The following EHMT1 variants were observed in gnomAD, a reference collection of about 807,000 sequenced individuals.
The protein encoded by EHMT1 is euchromatic histone lysine methyltransferase 1.
A neutral mutation model predicts 147.2 loss-of-function variants in EHMT1; 15 were observed. That is an observed-to-expected ratio of 0.10 (90% CI 0.07 to 0.16). The LOEUF is 0.16. Among genes scored for constraint, EHMT1 ranks in the 10% least tolerant of loss-of-function variants. The probability of loss-of-function intolerance (pLI) is 1.00; values close to 1 mark genes in which losing one functional copy is unlikely to be tolerated. For missense variants in EHMT1, 1,587 were observed against 1,772.4 expected (o/e 0.90, Z 1.88); for synonymous variants, 795 against 709.6 (o/e 1.12, Z -1.91).
intron 3 of EHMT1, among the ~76,000 whole-genome samples, chr9:137,719,756 G>A (rs538731211): frequency 6.6e-6 from 1 of 152,314 alleles, no homozygotes; most frequent in African/African-American, 2.4e-5. Flanking sequence ...TGCATCACGT[G>A]CAGGGTGTTC....
At chr9:137,637,307 C>T (rs1844156919) in intron 1 of EHMT1, among the ~76,000 whole-genome samples, 3 of 152,078 alleles carry the variant, frequency 2.0e-5, no homozygotes, top group Admixed American at 2.0e-4. Flanking sequence ...TCCCGAGTAG[C>T]TGGGATTACA....
At chr9:137,761,830 T>C (rs1949847317) in intron 9 of EHMT1, among the ~76,000 whole-genome samples, 1 of 152,258 alleles carries the variant, frequency 6.6e-6, no homozygotes, top group Admixed American at 6.5e-5. Context: ...TATTTCTGCT[T>C]TGACTGTTTA....
chr9:137,717,374 G>C (rs570408279), intron 3 of EHMT1, 192 bp downstream of exon 3: 1 of 757,222 alleles, frequency 1.3e-6, no homozygotes, highest in East Asian at 2.7e-5. Context: ...AGGCTGAGGC[G>C]GGTGGATTGC....
intron 5 of EHMT1, 72 bp downstream of exon 5, chr9:137,743,600 A>G (rs1003520956): frequency 1.2e-6 from 2 of 1,608,088 alleles, no homozygotes; most frequent in African/African-American, 2.7e-5. Context: ...CCTCGTTATC[A>G]GTAATTTGGG....
chr9:137,634,114 A>C (rs1359065668), intron 1 of EHMT1, among the ~76,000 whole-genome samples: 1 of 151,998 alleles, frequency 6.6e-6, no homozygotes, highest in East Asian at 1.9e-4. Flanking sequence ...TGCCCGGCCT[A>C]ATTTTTATTT....
Position 137,813,917 on chromosome 9 carries a change from G to A in EHMT1, c.3180+387G>A, listed in dbSNP as rs186342123. On this transcript the variant is annotated intron_variant, in intron 21 of 26. Transcript: ENST00000460843. The surrounding 1 kb of genome is among the most constrained non-coding windows in gnomAD (Gnocchi z 4.9). ...TGCACCTCCCAGCCCCCGGAGAGAT[G>A]GGTCCAGCACATGCCAGCTTTCCCA... Among the ~76,000 whole-genome samples the A allele has an allele frequency of 2.6e-5, 4 of 152,202 alleles. No individual in the cohort carries two copies. The highest frequency in any genetic ancestry group is 2.9e-5 in the Non-Finnish European group (2 of 67,992).
At chr9:137,655,615 A>T (rs1938360656) in intron 1 of EHMT1, among the ~76,000 whole-genome samples, 1 of 152,182 alleles carries the variant, frequency 6.6e-6, no homozygotes, top group Non-Finnish European at 1.5e-5. Flanking sequence ...TCAGTGGCCC[A>T]TTAGGAACTG....
Position 137,635,420 on chromosome 9 carries a change from T to C in EHMT1, c.21+16371T>C, listed in dbSNP as rs556939110. Among the ~76,000 whole-genome samples the C allele has an allele frequency of 2.1e-3, 315 of 151,742 alleles. 1 individual carries two copies. The highest frequency in any genetic ancestry group is 2.7e-3 in the Non-Finnish European group (180 of 67,896). ...TTGGTAGAGACGGAGTTTCACCATGTTGGACAGGCTGGTCTTGAACTTCTG... is the reference window on the plus strand; with the variant it reads ...TTGGTAGAGACGGAGTTTCACCATGCTGGACAGGCTGGTCTTGAACTTCTG... On this transcript the variant is annotated intron_variant, in intron 1 of 26. Transcript: ENST00000460843.
Position 137,834,925 on chromosome 9 carries a change from G to C in EHMT1, c.3869G>C (p.Ser1290Thr). Reference sequence around the variant, plus strand: ...CAGGAGGACGGCTTGCCCGACACCAGCTCCGCGGCTGCCGCCGACCCCCTA... The same window carrying C: ...CAGGAGGACGGCTTGCCCGACACCACCTCCGCGGCTGCCGCCGACCCCCTA... ...EAQEDGLPDTSSAAAADPL is the reference protein window; with the variant it reads ...EAQEDGLPDTTSAAAADPL The change falls in exon 27 of 27, where the codon AGC (serine) becomes ACC (threonine). Residue 1290 changes from serine to threonine, a missense_variant. Around this residue, in one of 7 missense-constraint regions of EHMT1, gnomAD observed 141 missense variants for 150.8 expected, o/e 0.94. Transcript: ENST00000460843. 1 of 1,549,654 alleles carries C rather than the reference G, an allele frequency of 6.5e-7. No individual in the cohort carries two copies. Among genetic ancestry groups the C allele is most frequent in the Non-Finnish European group, 8.7e-7 (1 of 1,152,338 alleles).
At chr9:137,794,302 C>T (rs916329903) in intron 16 of EHMT1, among the ~76,000 whole-genome samples, 1 of 152,088 alleles carries the variant, frequency 6.6e-6, no homozygotes, top group African/African-American at 2.4e-5. Context: ...AATATTTGCA[C>T]ATTAGGCTTC....
At chr9:137,802,355 A>G in intron 18 of EHMT1, 1 of 398,752 alleles carries the variant, frequency 2.5e-6, no homozygotes, top group Non-Finnish European at 4.4e-6. Flanking sequence ...AGAGGGTTCC[A>G]GAGGCCAGAA....
intron 1 of EHMT1, among the ~76,000 whole-genome samples, chr9:137,664,040 C>A (rs988213624): frequency 6.6e-6 from 1 of 151,986 alleles, no homozygotes; most frequent in Admixed American, 6.6e-5. Flanking sequence ...AATTATACTA[C>A]CAATAGAGAA....
chr9:137,633,962 C>T (rs774058672), intron 1 of EHMT1, among the ~76,000 whole-genome samples: 4 of 152,120 alleles, frequency 2.6e-5, no homozygotes, highest in South Asian at 2.1e-4. Context: ...TACAGGTGCG[C>T]ACCAGCACGC....
chr9:137,746,391 A>G (rs1283566295), intron 6 of EHMT1: 1 of 152,256 alleles, frequency 6.6e-6, no homozygotes, highest in African/African-American at 2.4e-5. Flanking sequence ...CTGGGATTAC[A>G]GGCGTGAGCC....
intron 6 of EHMT1, among the ~76,000 whole-genome samples, chr9:137,751,768 A>G (rs1018503849): frequency 1.3e-5 from 2 of 152,204 alleles, no homozygotes; most frequent in African/African-American, 2.4e-5. Flanking sequence ...ATCTGTGCAG[A>G]CTAGAAATGC....
At chr9:137,780,315 TGAC>T (rs1460347638) in intron 14 of EHMT1, among the ~76,000 whole-genome samples, 33 of 134,992 alleles carry the variant, frequency 2.4e-4, no homozygotes, top group African/African-American at 1.8e-4. Context: ...TGTGTGGTGA[TGAC>T]GGCATCACTG....
chr9:137,676,855 C>CT (rs963928286), intron 1 of EHMT1, among the ~76,000 whole-genome samples: 1 of 152,056 alleles, frequency 6.6e-6, no homozygotes, highest in Non-Finnish European at 1.5e-5. Context: ...GATGGGGGTC[C>CT]TGTAAGCAGG....
At chr9:137,751,314 A>T (rs894882974) in intron 6 of EHMT1, among the ~76,000 whole-genome samples, 1 of 152,196 alleles carries the variant, frequency 6.6e-6, no homozygotes, top group African/African-American at 2.4e-5. Context: ...GATATCAGAA[A>T]TGGAGCTTTA....
rs1346071280 is a variant in EHMT1, at chr9:137,818,193, A to G, written c.3540+55A>G. On this transcript the variant is annotated intron_variant, in intron 25 of 26. Coordinates refer to ENST00000460843, the MANE Select transcript of EHMT1 (RefSeq NM_024757.5). ...CAGAACTTGTGAACTGTAAAACCTG[A>G]ATGTGTTTGTCCCAGTAGGGCTGGG... 3.8e-6 allele frequency: 6 copies of G among 1,581,412 alleles called. No individual in the cohort carries two copies. The African/African-American group carries it at 6.7e-5, about 18-fold the overall frequency.
Sources: gnomAD v4.1 joint callset for allele counts (sites outside exome capture counted in the v4.1 genomes callset) on GRCh38, gnomAD v4.1.1 for gene constraint, gnomAD v4.1.1 regional missense constraint, Gnocchi (gnomAD v3.1) non-coding constraint, MANE v1.5 for transcripts, NCBI Gene and HGNC (gene_info 2026-07-23, HGNC 2026-07-21) for gene names.